Variants in GJA1 observed in about 807,000 individuals in gnomAD.
GJA1 encodes the protein gap junction alpha-1 protein.
In GJA1, 9 loss-of-function variants were observed where a neutral mutation model predicts 31.0. That is an observed-to-expected ratio of 0.29 (90% CI 0.17 to 0.51). The LOEUF (loss-of-function observed/expected upper bound fraction) is 0.51, where lower values mean the gene tolerates loss of function less well. Ranked by LOEUF, GJA1 falls within the 20% of genes least tolerant of loss-of-function variation. GJA1 has a pLI of 0.98. For synonymous variants in GJA1, 186 were observed against 180.1 expected (o/e 1.03, Z -0.26); for missense variants, 278 against 468.8 (o/e 0.59, Z 3.76).
intron 1 of GJA1, among the ~76,000 whole-genome samples, chr6:121,440,599 A>G (rs1168646283): frequency 6.6e-6 from 1 of 151,906 alleles, no homozygotes; most frequent in Non-Finnish European, 1.5e-5. Context: ...GAAATTTGAG[A>G]TATAACTACA....
intron 1 of GJA1, among the ~76,000 whole-genome samples, chr6:121,442,503 G>C (rs778978758): frequency 6.6e-6 from 1 of 152,210 alleles, no homozygotes. Flanking sequence ...CCAGAGAGCT[G>C]CTGCTCCTGG....
chr6:121,439,174 A>C (rs1324941095), intron 1 of GJA1, among the ~76,000 whole-genome samples: 1 of 152,140 alleles, frequency 6.6e-6, no homozygotes, highest in Admixed American at 6.5e-5. Context: ...TTTGTCAATC[A>C]TTTCTTAGTT....
chr6:121,441,665 A>G (rs746946187), intron 1 of GJA1, among the ~76,000 whole-genome samples: 3 of 152,144 alleles, frequency 2.0e-5, no homozygotes, highest in Non-Finnish European at 4.4e-5. Context: ...ACCTGCAACA[A>G]GTGAGGACGT....
At chr6:121,438,471 G>A (rs1299955393) in intron 1 of GJA1, among the ~76,000 whole-genome samples, 4 of 152,208 alleles carry the variant, frequency 2.6e-5, no homozygotes, top group Non-Finnish European at 5.9e-5. Flanking sequence ...CATAGAGAAG[G>A]AGGGAAAACA....
rs547546766 is a variant in GJA1, at chr6:121,449,413, A to G, written c.*1417A>G. The G allele has an allele frequency of 6.0e-6, 1 of 167,216 alleles. No individual in the cohort carries two copies. The highest frequency in any genetic ancestry group is 6.5e-5 in the Admixed American group (1 of 15,302). 10.4% of individuals were successfully genotyped at this position (167,216 alleles called of 1,614,324 possible). A position where few individuals can be genotyped will look rare whatever the true frequency, so the allele number is the denominator to read the frequency against. ...TATTTGGAATGCAAGAGAGGTTGAA[A>G]GAGGATTCAGTAGTACACATACAAC... On this transcript the variant is annotated 3_prime_UTR_variant, in exon 2 of 2. Transcript: ENST00000282561.
chr6:121,443,229 A>T (rs1386640455), intron 1 of GJA1, among the ~76,000 whole-genome samples: 2 of 152,096 alleles, frequency 1.3e-5, no homozygotes, highest in Non-Finnish European at 2.9e-5. Flanking sequence ...CCAAAATTTG[A>T]TTCATGGCAA....
intron 1 of GJA1, among the ~76,000 whole-genome samples, chr6:121,445,102 A>C (rs1266135021): frequency 6.6e-6 from 1 of 152,208 alleles, no homozygotes; most frequent in Non-Finnish European, 1.5e-5. Context: ...ATCGGCAATT[A>C]GAAGCATAAA....
intron 1 of GJA1, among the ~76,000 whole-genome samples, chr6:121,444,919 C>T (rs1413762845): frequency 6.6e-6 from 1 of 152,200 alleles, no homozygotes; most frequent in Non-Finnish European, 1.5e-5. Context: ...TATATCAAAG[C>T]CTGGAAACAT....
Sources: allele counts gnomAD v4.1 joint callset (sites outside exome capture counted in the v4.1 genomes callset), GRCh38; gene constraint gnomAD v4.1.1; transcripts MANE v1.5; gene names NCBI Gene and HGNC (gene_info 2026-07-23, HGNC 2026-07-21).